USPL1: variants seen among roughly 807,000 people sequenced by gnomAD.
USPL1 encodes ubiquitin specific peptidase like 1.
In USPL1, 27 loss-of-function variants were observed where a neutral mutation model predicts 51.5. The ratio of observed to expected loss-of-function variants is 0.52; its 90% CI spans 0.39 to 0.72. The LOEUF (loss-of-function observed/expected upper bound fraction) is 0.72, where lower values mean the gene tolerates loss of function less well. USPL1 is among the 30% of genes least tolerant of loss of function. USPL1 has a pLI of 0.00. For missense variants in USPL1, 1,226 were observed against 1,268.0 expected (o/e 0.97, Z 0.50); for synonymous variants, 451 against 459.6 (o/e 0.98, Z 0.24).
intron 5 of USPL1, among the ~76,000 whole-genome samples, chr13:30,641,107 A>G (rs1393897316): frequency 2.6e-5 from 4 of 152,266 alleles, no homozygotes; most frequent in Non-Finnish European, 5.9e-5. Flanking sequence ...AGACAGATCT[A>G]GCATTTTTAA....
chr13:30,637,242 C>G (rs1407877787), intron 4 of USPL1, among the ~76,000 whole-genome samples: 1 of 152,146 alleles, frequency 6.6e-6, no homozygotes, highest in Non-Finnish European at 1.5e-5. Flanking sequence ...ACTGAAGACC[C>G]CTTCAAACCC....
At chr13:30,647,766 G>A (rs1434175779) in intron 7 of USPL1, among the ~76,000 whole-genome samples, 3 of 152,130 alleles carry the variant, frequency 2.0e-5, no homozygotes, top group East Asian at 3.9e-4. Flanking sequence ...ATAAAGAACC[G>A]GGAACATTAA....
At chr13:30,649,470 C>T (rs1218422494) in intron 7 of USPL1, among the ~76,000 whole-genome samples, 1 of 152,116 alleles carries the variant, frequency 6.6e-6, no homozygotes, top group Non-Finnish European at 1.5e-5. Flanking sequence ...TCACATAACC[C>T]ACATCTCTAA....
At chr13:30,640,179 C>T (rs1950928315) in intron 5 of USPL1, among the ~76,000 whole-genome samples, 2 of 151,972 alleles carry the variant, frequency 1.3e-5, no homozygotes, top group South Asian at 4.2e-4. Flanking sequence ...TCATGGAGAA[C>T]TTTATGTATT....
chr13:30,645,487 C>T (rs936616441), intron 6 of USPL1, among the ~76,000 whole-genome samples: 16 of 152,262 alleles, frequency 1.1e-4, no homozygotes, highest in African/African-American at 3.4e-4. Flanking sequence ...AAGCCACTAG[C>T]CGCTTTTGTT....
intron 8 of USPL1, among the ~76,000 whole-genome samples, chr13:30,654,844 TTTAA>T (rs1198540668): frequency 6.6e-6 from 1 of 152,192 alleles, no homozygotes; most frequent in Non-Finnish European, 1.5e-5. Context: ...CATATGTCTT[TTTAA>T]TTCATTTATT....
chr13:30,647,322 G>A (rs956268658), intron 7 of USPL1, among the ~76,000 whole-genome samples: 8 of 152,006 alleles, frequency 5.3e-5, no homozygotes, highest in Admixed American at 6.6e-5. Flanking sequence ...TCCCTTTAAG[G>A]ATATCAAGCT....
intron 3 of USPL1, among the ~76,000 whole-genome samples, chr13:30,625,073 A>C (rs1056060631): frequency 2.0e-5 from 3 of 151,988 alleles, no homozygotes; most frequent in Non-Finnish European, 2.9e-5. Context: ...TGATAAGTAG[A>C]AAGGAAAAAA....
At chr13:30,638,525 A>G (rs771290682) in intron 5 of USPL1, among the ~76,000 whole-genome samples, 26 of 152,306 alleles carry the variant, frequency 1.7e-4, no homozygotes, top group Admixed American at 5.9e-4. Context: ...GCGTGCAGCA[A>G]GTGAGCTAGA....
At chr13:30,649,263 G>T (rs1175834912) in intron 7 of USPL1, among the ~76,000 whole-genome samples, 1 of 152,056 alleles carries the variant, frequency 6.6e-6, no homozygotes, top group Non-Finnish European at 1.5e-5. Flanking sequence ...AAATGCCAAG[G>T]TCTTTATATA....
At chr13:30,624,777 T>A (rs1252743845) in intron 3 of USPL1, among the ~76,000 whole-genome samples, 1 of 152,130 alleles carries the variant, frequency 6.6e-6, no homozygotes, top group African/African-American at 2.4e-5. Context: ...AGAAAATACA[T>A]CATGAAATAA....
At chr13:30,621,284 TCTC>T in intron 2 of USPL1, 45 bp downstream of exon 2, 1 of 1,409,066 alleles carries the variant, frequency 7.1e-7, no homozygotes, top group Non-Finnish European at 9.7e-7. Flanking sequence ...TTTTTTTTTT[TCTC>T]TATTTTTGAG....
rs774653213 is a variant in USPL1 at position 30,658,650 on chromosome 13, C to T, written c.2573C>T (p.Ser858Leu). The T allele has an allele frequency of 2.5e-6, 4 of 1,614,126 alleles. No homozygotes were observed. In the South Asian group the frequency reaches 4.4e-5, roughly 18 times the overall value. The change falls in exon 9 of 9, where the codon TCA becomes TTA. Residue 858 changes from serine (S) to leucine (L), a missense_variant. Physicochemically the swap from Ser to Leu is moderately radical, Grantham distance 145. Transcript: ENST00000255304. ...GTTTTGGAAAAGTCTGGAAGCACCT[C>T]ATGTGGAGCTCAACTCAACCACAGT... ...SEVLEKSGST[S>L]CGAQLNHSSY...
At chr13:30,648,086 A>G (rs932547971) in intron 7 of USPL1, among the ~76,000 whole-genome samples, 1 of 152,100 alleles carries the variant, frequency 6.6e-6, no homozygotes, top group Admixed American at 6.5e-5. Context: ...TGTCCTTTCA[A>G]TGCAATTGCG....
chr13:30,648,604 G>T (rs1015200686), intron 7 of USPL1, among the ~76,000 whole-genome samples: 5 of 152,134 alleles, frequency 3.3e-5, no homozygotes, highest in Admixed American at 6.5e-5. Flanking sequence ...TCTTCACTTT[G>T]CCCGTTCTGC....
chr13:30,623,632 C>A, intron 3 of USPL1, among the ~76,000 whole-genome samples: 1 of 150,576 alleles, frequency 6.6e-6, no homozygotes, highest in Non-Finnish European at 1.5e-5. Context: ...CACCGGGGTT[C>A]ATACTATTGT....
intron 8 of USPL1, among the ~76,000 whole-genome samples, chr13:30,654,877 G>A (rs1206497319): frequency 6.6e-6 from 1 of 150,790 alleles, no homozygotes. Flanking sequence ...TGTCTGTTAT[G>A]TGACTAATGC....
intron 7 of USPL1, among the ~76,000 whole-genome samples, chr13:30,649,486 C>T (rs748792512): frequency 2.6e-4 from 39 of 152,330 alleles, no homozygotes; most frequent in Non-Finnish European, 4.0e-4. Flanking sequence ...TCTAATGTCT[C>T]CCCATTGGGA....
At chr13:30,647,459 TC>T (rs1335250571) in intron 7 of USPL1, among the ~76,000 whole-genome samples, 2 of 152,204 alleles carry the variant, frequency 1.3e-5, no homozygotes, top group African/African-American at 4.8e-5. Context: ...TTCCATCTTC[TC>T]CTAGATCTCA....
Sources: allele counts gnomAD v4.1 joint callset (sites outside exome capture counted in the v4.1 genomes callset), GRCh38; gene constraint gnomAD v4.1.1; transcripts MANE v1.5; gene names NCBI Gene and HGNC (gene_info 2026-07-23, HGNC 2026-07-21).